CTTNBP2NL: variants seen among roughly 807,000 people sequenced by gnomAD.
The protein encoded by CTTNBP2NL is CTTNBP2 N-terminal-like protein.
CTTNBP2NL carries 16 observed loss-of-function variants against 32.5 expected under a neutral mutation model. That is an observed-to-expected ratio of 0.49 (90% confidence interval 0.33 to 0.75). The LOEUF (loss-of-function observed/expected upper bound fraction) is 0.75. Ranked by LOEUF, CTTNBP2NL falls within the 30% of genes least tolerant of loss-of-function variation. The pLI is 0.02. For synonymous variants in CTTNBP2NL, 298 were observed against 289.4 expected, an observed-to-expected ratio of 1.03 and a Z score of -0.30; for missense variants, 645 against 756.0, an observed-to-expected ratio of 0.85 and a Z score of 1.72.
chr1:112,457,246 A>G lies in CTTNBP2NL; in HGVS notation c.1754A>G (p.Lys585Arg), dbSNP rs1356366002. 1 of 1,614,134 alleles carries G rather than the reference A, an allele frequency of 6.2e-7. No individual in the cohort carries two copies. The highest frequency in any genetic ancestry group is 2.2e-5 in the East Asian group (1 of 44,882). Residue 585 changes from lysine (K) to arginine (R), a missense_variant, in exon 6 of 6, where the codon AAG becomes AGG. Transcript: ENST00000271277. ...ERGNPPPIPPKKPGLTPSPSA... is the reference protein window; with the variant it reads ...ERGNPPPIPPRKPGLTPSPSA... ...GGAAACCCTCCACCCATCCCACCCA[A>G]GAAACCTGGCCTCACCCCTTCTCCA...
chr1:112,421,801 A>G (rs1649240788), intron 3 of CTTNBP2NL, among the ~76,000 whole-genome samples: 1 of 152,160 alleles, frequency 6.6e-6, no homozygotes, highest in Non-Finnish European at 1.5e-5. Flanking sequence ...TTGAGACAGC[A>G]AAGGTTAAGG....
At position 112,455,912 on chromosome 1, in the gene CTTNBP2NL, C is replaced by T. The variant is rs982484630; in HGVS notation, c.439-19C>T. On this transcript the variant is annotated intron_variant, in intron 5 of 5. Coordinates refer to ENST00000271277, the MANE Select transcript of CTTNBP2NL (RefSeq NM_018704.3). ...GATCACAGTTTGTCAGTATGTCTCT[C>T]TTTTCTTTTTTTTTCTAGTTGGAAT... is the stretch of plus-strand genomic sequence containing the variant. The T allele has an allele frequency of 1.3e-5, 20 of 1,564,246 alleles. No individual in the cohort carries two copies. The highest frequency in any genetic ancestry group is 1.6e-5 in the Non-Finnish European group (18 of 1,156,420).
intron 3 of CTTNBP2NL, among the ~76,000 whole-genome samples, chr1:112,448,348 A>C (rs1650116598): frequency 6.6e-6 from 1 of 152,238 alleles, no homozygotes; most frequent in Non-Finnish European, 1.5e-5. Context: ...AAGTAGTCCT[A>C]GATTGTAATG....
intron 1 of CTTNBP2NL, among the ~76,000 whole-genome samples, chr1:112,406,119 G>A (rs1557884255): frequency 6.6e-6 from 1 of 152,042 alleles, no homozygotes; most frequent in Non-Finnish European, 1.5e-5. Flanking sequence ...GGGAGGCGGA[G>A]GTTGCAGTGA....
intron 4 of CTTNBP2NL, among the ~76,000 whole-genome samples, chr1:112,449,724 AGG>A (rs1284711127): frequency 1.7e-5 from 2 of 115,514 alleles, no homozygotes; most frequent in Non-Finnish European, 3.4e-5. Context: ...TCTATTAGTG[AGG>A]GGTGTGTGTG....
At chr1:112,413,300 A>G (rs1648941221) in intron 2 of CTTNBP2NL, among the ~76,000 whole-genome samples, 1 of 152,250 alleles carries the variant, frequency 6.6e-6, no homozygotes, top group South Asian at 2.1e-4. Flanking sequence ...CAATTGCAAA[A>G]GGGCAACTGA....
chr1:112,444,399 G>A (rs377614374), intron 3 of CTTNBP2NL, among the ~76,000 whole-genome samples: 1 of 152,192 alleles, frequency 6.6e-6, no homozygotes, highest in Admixed American at 6.5e-5. Flanking sequence ...AAGTATGGCC[G>A]ACTCTAAGAA....
At chr1:112,429,621 A>G (rs1486926197) in intron 3 of CTTNBP2NL, among the ~76,000 whole-genome samples, 1 of 152,214 alleles carries the variant, frequency 6.6e-6, no homozygotes, top group Non-Finnish European at 1.5e-5. Flanking sequence ...TCTTAGAGCT[A>G]ATCTTTACAC....
chr1:112,433,801 C>T lies in CTTNBP2NL; in HGVS notation c.100-15141C>T, dbSNP rs1222618138. ...TTTCTTACTTTTTATAATTACTATG[C>T]CTTTGCAGTCCATCATGTTGCCATG... is the stretch of plus-strand genomic sequence containing the variant. On this transcript the variant is annotated intron_variant, in intron 3 of 5. Transcript: ENST00000271277. Among the ~76,000 whole-genome samples the T allele has an allele frequency of 3.3e-5, 5 of 152,068 alleles. No individual in the cohort carries two copies. The East Asian group carries it at 7.7e-4, about 23-fold the overall frequency.
intron 3 of CTTNBP2NL, among the ~76,000 whole-genome samples, chr1:112,428,791 T>G (rs1268092229): frequency 6.6e-6 from 1 of 152,166 alleles, no homozygotes; most frequent in African/African-American, 2.4e-5. Context: ...TCATTTTTCT[T>G]TAAATGCTGA....
chr1:112,437,267 T>C (rs924779939), intron 3 of CTTNBP2NL, among the ~76,000 whole-genome samples: 1 of 152,210 alleles, frequency 6.6e-6, no homozygotes, highest in Admixed American at 6.5e-5. Context: ...AGTGTTCCCT[T>C]TTCTCAGCAA....
rs1399191920 is a variant in CTTNBP2NL at position 112,424,562 on chromosome 1, T to C, written c.99+8298T>C. ...TTGCCAATTTCCCTAAAAATCCTGT[T>C]GGGATTTTGATTGGGATTGTATTGA... On this transcript the variant is annotated intron_variant, in intron 3 of 5. Coordinates refer to ENST00000271277, the MANE Select transcript of CTTNBP2NL (RefSeq NM_018704.3). 2.0e-5 allele frequency among the ~76,000 whole-genome samples: 3 copies of C among 152,312 alleles called. No homozygotes were observed. In the East Asian group the frequency reaches 5.8e-4, roughly 29 times the overall value.
chr1:112,399,076 T>TTGGGAAG (rs1417199064), intron 1 of CTTNBP2NL, among the ~76,000 whole-genome samples: 5 of 151,958 alleles, frequency 3.3e-5, no homozygotes, highest in Middle Eastern at 3.4e-3. Context: ...ACCCAGCACT[T>TTGGGAAG]TGGGAAGCTG....
chr1:112,432,561 ATTC>A (rs1251307552), intron 3 of CTTNBP2NL, among the ~76,000 whole-genome samples: 2 of 151,922 alleles, frequency 1.3e-5, no homozygotes, highest in Non-Finnish European at 2.9e-5. Flanking sequence ...TTAATAAGAC[ATTC>A]TTCTTTTCTT....
chr1:112,433,237 T>C (rs1198561414), intron 3 of CTTNBP2NL, among the ~76,000 whole-genome samples: 1 of 152,182 alleles, frequency 6.6e-6, no homozygotes, highest in East Asian at 1.9e-4. Flanking sequence ...AAAATGTTAT[T>C]ATTCATTTTT....
intron 3 of CTTNBP2NL, among the ~76,000 whole-genome samples, chr1:112,420,370 T>C (rs1450727756): frequency 6.6e-6 from 1 of 152,016 alleles, no homozygotes; most frequent in Non-Finnish European, 1.5e-5. Flanking sequence ...GGTCTTGAAC[T>C]CCTGACTCCT....
chr1:112,452,984 G>A (rs530920739), intron 4 of CTTNBP2NL, among the ~76,000 whole-genome samples: 8 of 146,686 alleles, frequency 5.5e-5, no homozygotes, highest in Admixed American at 1.5e-4. Context: ...CCATAGTGGT[G>A]TATGCCTGTA....
chr1:112,412,608 C>CTTTTTTT (rs35667800), intron 2 of CTTNBP2NL, among the ~76,000 whole-genome samples: 2 of 88,922 alleles, frequency 2.2e-5, no homozygotes, highest in Non-Finnish European at 2.0e-5. Context: ...GAGTTGGTAC[C>CTTTTTTT]TTTTTTTTTT....
chr1:112,430,204 T>TTCTTTTCTTTTCTTG (rs1181274013), intron 3 of CTTNBP2NL, among the ~76,000 whole-genome samples: 6 of 53,324 alleles, frequency 1.1e-4, no homozygotes, highest in Non-Finnish European at 3.4e-4. Flanking sequence ...TTCTTTTCTT[T>TTCTTTTCTTTTCTTG]TCTTTTCTTT....
Sources: gnomAD v4.1 joint callset for allele counts (sites outside exome capture counted in the v4.1 genomes callset) on GRCh38, gnomAD v4.1.1 for gene constraint, MANE v1.5 for transcripts, NCBI Gene and HGNC (gene_info 2026-07-23, HGNC 2026-07-21) for gene names.